SETBP1: variants seen among roughly 807,000 people sequenced by gnomAD.
The protein encoded by SETBP1 is SET-binding protein.
A neutral mutation model predicts 101.0 loss-of-function variants in SETBP1; 9 were observed. The observed-to-expected ratio is 0.09, with a 90% confidence interval of 0.05 to 0.16. The LOEUF (loss-of-function observed/expected upper bound fraction) is 0.16, where lower values mean the gene tolerates loss of function less well. Ranked by LOEUF, SETBP1 falls within the 10% of genes least tolerant of loss-of-function variation. SETBP1 has a pLI of 1.00. For synonymous variants in SETBP1, 818 were observed against 788.5 expected (o/e 1.04, Z -0.63); for missense variants, 1,858 against 2,033.8 (o/e 0.91, Z 1.66).
chr18:44,773,159 A>T (rs2070912180), intron 2 of SETBP1, among the ~76,000 whole-genome samples: 1 of 152,180 alleles, frequency 6.6e-6, no homozygotes, highest in South Asian at 2.1e-4. Flanking sequence ...TACAGTAATT[A>T]AAAAAATAAA....
chr18:45,052,210 A>T (rs1292455009), intron 5 of SETBP1, among the ~76,000 whole-genome samples: 2 of 152,220 alleles, frequency 1.3e-5, no homozygotes, highest in African/African-American at 4.8e-5. Flanking sequence ...GCGTTCATAT[A>T]GATTAATCCC....
intron 2 of SETBP1, among the ~76,000 whole-genome samples, chr18:44,802,852 G>C (rs908406386): frequency 1.3e-5 from 2 of 152,042 alleles, no homozygotes; most frequent in African/African-American, 4.8e-5. Context: ...TATGCACGTC[G>C]GTAACCTGCC....
intron 3 of SETBP1, among the ~76,000 whole-genome samples, chr18:44,933,973 A>G (rs1026162733): frequency 6.6e-6 from 1 of 152,050 alleles, no homozygotes; most frequent in Admixed American, 6.5e-5. Flanking sequence ...TGAACCTGGT[A>G]CCTCAGTTGG....
chr18:44,694,574 T>C (rs1446156545), intron 1 of SETBP1, among the ~76,000 whole-genome samples: 2 of 152,206 alleles, frequency 1.3e-5, no homozygotes, highest in African/African-American at 2.4e-5. Context: ...ATACACACAG[T>C]GGGCTCTTAT....
At position 44,972,351 on chromosome 18, in the gene SETBP1, C is replaced by A. The variant is rs532394434; in HGVS notation, c.4000+19011C>A. Among the ~76,000 whole-genome samples the A allele has an allele frequency of 2.6e-5, 4 of 152,060 alleles. No homozygotes were observed. The East Asian group carries it at 5.8e-4, about 22-fold the overall frequency. ...TTCTTTTGGCTTAGGATTGACTTGGCGATGCGGGCTCTTTTTTGGTTGCAT... is the reference window on the plus strand; with the variant it reads ...TTCTTTTGGCTTAGGATTGACTTGGAGATGCGGGCTCTTTTTTGGTTGCAT... On this transcript the variant is annotated intron_variant, in intron 4 of 5. Transcript: ENST00000649279.
At chr18:44,983,023 G>A (rs555961262) in intron 4 of SETBP1, among the ~76,000 whole-genome samples, 5 of 152,200 alleles carry the variant, frequency 3.3e-5, no homozygotes, top group African/African-American at 9.6e-5. Flanking sequence ...AGAAGTCACC[G>A]AAAACCCCTG....
chr18:44,806,946 T>C (rs2071755668), intron 2 of SETBP1, among the ~76,000 whole-genome samples: 1 of 152,044 alleles, frequency 6.6e-6, no homozygotes, highest in Non-Finnish European at 1.5e-5. Flanking sequence ...TACATGTAGA[T>C]TTACCCAGCC....
At chr18:44,720,903 C>A (rs540298826) in intron 2 of SETBP1, among the ~76,000 whole-genome samples, 8 of 89,652 alleles carry the variant, frequency 8.9e-5, no homozygotes, top group Non-Finnish European at 1.7e-4. Context: ...GCCCTCCAAC[C>A]CCCACCCCCC....
chr18:44,700,209 G>T (rs917401241), intron 1 of SETBP1, among the ~76,000 whole-genome samples: 2 of 152,150 alleles, frequency 1.3e-5, no homozygotes, highest in African/African-American at 4.8e-5. Flanking sequence ...GGGTGAAGGA[G>T]AGTTTAGCTG....
At chr18:45,004,299 T>C (rs575690360) in intron 4 of SETBP1, among the ~76,000 whole-genome samples, 1 of 152,354 alleles carries the variant, frequency 6.6e-6, no homozygotes, top group African/African-American at 2.4e-5. Flanking sequence ...CAGGTAGATG[T>C]TGTCCTTGGC....
At chr18:44,829,610 G>A (rs1283953447) in intron 2 of SETBP1, among the ~76,000 whole-genome samples, 1 of 152,156 alleles carries the variant, frequency 6.6e-6, no homozygotes, top group African/African-American at 2.4e-5. Context: ...CCTACTGTGT[G>A]TCTGCTATTT....
intron 1 of SETBP1, among the ~76,000 whole-genome samples, chr18:44,699,678 TC>T (rs1350129193): frequency 6.6e-6 from 1 of 152,192 alleles, no homozygotes; most frequent in Non-Finnish European, 1.5e-5. Flanking sequence ...CGTTGAATCT[TC>T]CCCGAAGTGG....
At chr18:45,046,563 G>A (rs917709868) in intron 5 of SETBP1, among the ~76,000 whole-genome samples, 1 of 152,240 alleles carries the variant, frequency 6.6e-6, no homozygotes, top group Non-Finnish European at 1.5e-5. Flanking sequence ...CAGAGAAGAA[G>A]GAATATGCAC....
intron 2 of SETBP1, among the ~76,000 whole-genome samples, chr18:44,798,898 A>G (rs113624756): frequency 0.016 from 2,478 of 152,338 alleles, 31 homozygotes; most frequent in Non-Finnish European, 0.024. Context: ...GGTCAGCCCC[A>G]TACTTAGCCT....
intron 4 of SETBP1, among the ~76,000 whole-genome samples, chr18:45,037,343 C>A (rs903082181): frequency 6.6e-6 from 1 of 152,132 alleles, no homozygotes; most frequent in African/African-American, 2.4e-5. Flanking sequence ...GGGAGAAGAA[C>A]TGACCCTTTG....
At chr18:44,928,406 A>G (rs1207270317) in intron 3 of SETBP1, among the ~76,000 whole-genome samples, 1 of 152,184 alleles carries the variant, frequency 6.6e-6, no homozygotes, top group Non-Finnish European at 1.5e-5. Context: ...GCATGTGTCT[A>G]TATAGCAGCA....
Position 44,705,537 on chromosome 18 carries a change from TTTG to T in SETBP1, c.486+3714_486+3716del, listed in dbSNP as rs1455740218. 6.6e-5 allele frequency among the ~76,000 whole-genome samples: 10 copies of T among 152,308 alleles called. No individual in the cohort carries two copies. The East Asian group carries it at 1.9e-3, about 29-fold the overall frequency. On this transcript the variant is annotated intron_variant, in intron 2 of 5. Transcript: ENST00000649279. ...TTAGGTGTTATATTATGTGCTGCTTTTTGTTGTTGTTATTTAAGTGAACCAGTT... is the reference window on the plus strand; with the variant it reads ...TTAGGTGTTATATTATGTGCTGCTTTTTGTTGTTATTTAAGTGAACCAGTT...
At chr18:44,718,493 A>C (rs888662913) in intron 2 of SETBP1, among the ~76,000 whole-genome samples, 3 of 151,106 alleles carry the variant, frequency 2.0e-5, no homozygotes, top group Non-Finnish European at 3.0e-5. Flanking sequence ...AGAGAGAGAG[A>C]GCTAAGCTGA....
At chr18:44,766,632 C>T (rs1019392281) in intron 2 of SETBP1, among the ~76,000 whole-genome samples, 5 of 152,018 alleles carry the variant, frequency 3.3e-5, no homozygotes, top group African/African-American at 7.2e-5. Flanking sequence ...GTGATGGTTG[C>T]GTAACAATGT....
Sources: allele counts gnomAD v4.1 joint callset (sites outside exome capture counted in the v4.1 genomes callset), GRCh38; gene constraint gnomAD v4.1.1; transcripts MANE v1.5; gene names NCBI Gene and HGNC (gene_info 2026-07-23, HGNC 2026-07-21).